TBC1D5: variants seen among roughly 807,000 people sequenced by gnomAD.
TBC1D5 encodes TBC1 domain family member 5.
TBC1D5 carries 75 observed loss-of-function variants against 100.3 expected under a neutral mutation model. The ratio of observed to expected loss-of-function variants is 0.75; its 90% confidence interval spans 0.62 to 0.91. The LOEUF is 0.91. Ranked by LOEUF, TBC1D5 falls within the 40% of genes least tolerant of loss-of-function variation. The pLI is 0.00. For missense variants in TBC1D5, 910 were observed against 942.4 expected (o/e 0.97, Z 0.45); for synonymous variants, 323 against 325.6 (o/e 0.99, Z 0.09).
intron 17 of TBC1D5, among the ~76,000 whole-genome samples, chr3:17,234,308 C>T (rs1409275002): frequency 6.6e-6 from 1 of 152,000 alleles, no homozygotes; most frequent in East Asian, 1.9e-4. Context: ...GAACTGCATA[C>T]CCTTCACTTG....
chr3:17,212,507 TA>T (rs1346755919), intron 18 of TBC1D5, among the ~76,000 whole-genome samples: 2 of 151,454 alleles, frequency 1.3e-5, no homozygotes, highest in Non-Finnish European at 1.5e-5. Context: ...TATATATATA[TA>T]AAAAAAGAGT....
chr3:17,231,848 T>C (rs762066016), intron 17 of TBC1D5, among the ~76,000 whole-genome samples: 4 of 152,136 alleles, frequency 2.6e-5, no homozygotes, highest in African/African-American at 4.8e-5. Flanking sequence ...AGCTGGAACT[T>C]TCCTTATCAG....
intron 15 of TBC1D5, among the ~76,000 whole-genome samples, chr3:17,279,616 C>G (rs944134203): frequency 3.3e-5 from 5 of 152,174 alleles, no homozygotes; most frequent in Non-Finnish European, 7.3e-5. Context: ...TGTACATACT[C>G]CACTTACTGG....
intron 8 of TBC1D5, among the ~76,000 whole-genome samples, chr3:17,401,893 A>G (rs2093660688): frequency 6.6e-6 from 1 of 152,098 alleles, no homozygotes; most frequent in African/African-American, 2.4e-5. Context: ...TTTTATTCAA[A>G]TATTTACTGA....
In TBC1D5 at chr3:17,308,194, T is replaced by C. The variant is rs1207174105; in HGVS notation, c.996-60A>G. 4 of 1,460,404 alleles carry C rather than the reference T, an allele frequency of 2.7e-6. No homozygotes were observed. The African/African-American group carries it at 5.8e-5, about 21-fold the overall frequency. The allele number at this position is 1,460,404 out of a possible 1,614,324, so 90.5% of individuals were successfully genotyped here. On this transcript the variant is annotated intron_variant, in intron 13 of 21. Coordinates refer to ENST00000253692, the Ensembl canonical transcript of TBC1D5. Reference sequence around the variant, plus strand: ...TACTTTTGAGAATAAAGAGTGATCATTTTCTCAAGTAACTGTGAAAAACTA... The same window carrying C: ...TACTTTTGAGAATAAAGAGTGATCACTTTCTCAAGTAACTGTGAAAAACTA...
intron 1 of TBC1D5, among the ~76,000 whole-genome samples, chr3:17,642,161 A>G (rs1417542413): frequency 1.3e-5 from 2 of 152,084 alleles, no homozygotes; most frequent in African/African-American, 4.8e-5. Context: ...ATTTCAACTC[A>G]CAACATCCTT....
intron 2 of TBC1D5, among the ~76,000 whole-genome samples, chr3:17,564,965 G>C (rs549511831): frequency 3.9e-5 from 6 of 151,902 alleles, no homozygotes; most frequent in African/African-American, 1.4e-4. Context: ...AGAAAAAAAT[G>C]AAAGTTGAGA....
chr3:17,311,513 G>A (rs967962187), intron 13 of TBC1D5, among the ~76,000 whole-genome samples: 1 of 151,980 alleles, frequency 6.6e-6, no homozygotes, highest in African/African-American at 2.4e-5. Flanking sequence ...CAGGGGAACA[G>A]TAACTACTGT....
At chr3:17,216,122 G>C (rs1343350269) in intron 17 of TBC1D5, among the ~76,000 whole-genome samples, 3 of 152,128 alleles carry the variant, frequency 2.0e-5, no homozygotes, top group African/African-American at 7.2e-5. Context: ...CATTTCAGAA[G>C]AAGTGTGGCA....
intron 17 of TBC1D5, among the ~76,000 whole-genome samples, chr3:17,224,095 T>C (rs2074585979): frequency 6.6e-6 from 1 of 152,220 alleles, no homozygotes; most frequent in Non-Finnish European, 1.5e-5. Context: ...GTGAATGGCT[T>C]TTCCTAGGAA....
At chr3:17,381,856 T>G (rs767548862) in intron 9 of TBC1D5, among the ~76,000 whole-genome samples, 6 of 152,068 alleles carry the variant, frequency 3.9e-5, no homozygotes, top group Non-Finnish European at 7.4e-5. Context: ...GAATTTATTC[T>G]CCAATAAATG....
intron 4 of TBC1D5, among the ~76,000 whole-genome samples, chr3:17,410,955 A>T (rs1210580001): frequency 6.6e-6 from 1 of 152,186 alleles, no homozygotes; most frequent in Non-Finnish European, 1.5e-5. Flanking sequence ...ACTGAGTCCA[A>T]TTTTGAAACA....
intron 2 of TBC1D5, among the ~76,000 whole-genome samples, chr3:17,570,093 CAG>C (rs1449083425): frequency 1.3e-5 from 2 of 151,962 alleles, no homozygotes; most frequent in African/African-American, 2.4e-5. Flanking sequence ...CTGTGACTCT[CAG>C]AGACTTAGCC....
At chr3:17,455,249 T>C (rs1313889543) in intron 3 of TBC1D5, among the ~76,000 whole-genome samples, 7 of 147,268 alleles carry the variant, frequency 4.8e-5, no homozygotes, top group Non-Finnish European at 9.0e-5. Context: ...TATATTATTG[T>C]ATATATGTAT....
intron 1 of TBC1D5, among the ~76,000 whole-genome samples, chr3:17,715,264 G>A (rs987520496): frequency 6.6e-6 from 1 of 152,136 alleles, no homozygotes; most frequent in Non-Finnish European, 1.5e-5. Flanking sequence ...GTCCAAGAGA[G>A]CAAAGCACTC....
intron 2 of TBC1D5, among the ~76,000 whole-genome samples, chr3:17,552,911 A>G (rs886417554): frequency 6.6e-6 from 1 of 152,142 alleles, no homozygotes; most frequent in Non-Finnish European, 1.5e-5. Context: ...CTAGAGAAAT[A>G]GTATATCCTA....
intron 1 of TBC1D5, among the ~76,000 whole-genome samples, chr3:17,728,948 G>A (rs1273677185): frequency 1.4e-5 from 2 of 146,008 alleles, no homozygotes; most frequent in Non-Finnish European, 3.0e-5. Flanking sequence ...AAACAATGTT[G>A]GGAATATTTC....
intron 2 of TBC1D5, among the ~76,000 whole-genome samples, chr3:17,607,651 GC>G (rs2061414233): frequency 6.6e-6 from 1 of 150,444 alleles, no homozygotes; most frequent in African/African-American, 2.5e-5. Flanking sequence ...GCAATTCCTT[GC>G]CCCCGCCAAT....
chr3:17,491,902 T>C (rs1425349305), intron 3 of TBC1D5, among the ~76,000 whole-genome samples: 2 of 152,196 alleles, frequency 1.3e-5, no homozygotes, highest in African/African-American at 4.8e-5. Flanking sequence ...CTGATAGAAT[T>C]TGGCTGGAAA....
Sources: gnomAD v4.1 joint callset for allele counts (sites outside exome capture counted in the v4.1 genomes callset) on GRCh38, gnomAD v4.1.1 for gene constraint, MANE v1.5 for transcripts, NCBI Gene and HGNC (gene_info 2026-07-23, HGNC 2026-07-21) for gene names.